TLE2: variants seen among roughly 807,000 people sequenced by gnomAD.
TLE2 encodes the protein transducin-like enhancer protein 2.
TLE2 carries 74 observed loss-of-function variants against 97.2 expected under a neutral mutation model. That is an observed-to-expected ratio of 0.76 (90% CI 0.63 to 0.92). TLE2 has a LOEUF of 0.92. Ranked by LOEUF, TLE2 falls within the 40% of genes least tolerant of loss-of-function variation. TLE2 has a pLI of 0.00. For missense variants in TLE2, 1,038 were observed against 1,008.7 expected (o/e 1.03, Z -0.39); for synonymous variants, 499 against 432.1 (o/e 1.15, Z -1.92).
At position 3,017,732 on chromosome 19, in the gene TLE2, G is replaced by A. The variant is rs564870053; in HGVS notation, c.570+108C>T. 6.0e-5 allele frequency: 64 copies of A among 1,073,886 alleles called. No homozygotes were observed. The Middle Eastern group carries it at 7.2e-4, about 12-fold the overall frequency. 66.5% of individuals were successfully genotyped at this position (1,073,886 alleles called of 1,614,324 possible). A position where few individuals can be genotyped will look rare whatever the true frequency, so the allele number is the denominator to read the frequency against. ...CTACCAAAGTGCTGGGATCAAAGGC[G>A]TGAGCCACCATGATCGACCTAGGTC... On this transcript the variant is annotated intron_variant, in intron 8 of 19. Coordinates refer to ENST00000262953, the MANE Select transcript of TLE2 (RefSeq NM_003260.5).
At chr19:3,009,221 G>T (rs1048494462) in intron 13 of TLE2, among the ~76,000 whole-genome samples, 1 of 152,144 alleles carries the variant, frequency 6.6e-6, no homozygotes, top group Non-Finnish European at 1.5e-5. Flanking sequence ...CTAGGCCAGG[G>T]TTCTGAAAAC....
At position 3,019,280 on chromosome 19, in the gene TLE2, C is replaced by T; in HGVS notation, c.550+3G>A. The T allele has an allele frequency of 6.4e-7, 1 of 1,572,866 alleles. No individual in the cohort carries two copies. The highest frequency in any genetic ancestry group is 2.3e-5 in the East Asian group (1 of 42,820). The stretch of plus-strand genomic sequence containing the variant: ...CCAATGCCACCCCGTGCTGCCCACT[C>T]ACCTCTGGACCCCTCGGCCTCCACG... On this transcript the variant is annotated splice_donor_region_variant and intron_variant, in intron 7 of 19. Coordinates refer to ENST00000262953, the MANE Select transcript of TLE2 (RefSeq NM_003260.5). This position sits in a 1 kb window ranked among gnomAD's most constrained non-coding sequence, Gnocchi z 5.1.
chr19:3,028,654 C>G, intron 2 of TLE2, 52 bp downstream of exon 2: 1 of 1,602,548 alleles, frequency 6.2e-7, no homozygotes, highest in East Asian at 2.2e-5. Context: ...AGGCCTCGCC[C>G]CGCCCCGGCG....
intron 15 of TLE2, 87 bp downstream of exon 15, chr19:3,006,333 A>T: frequency 2.0e-6 from 3 of 1,522,626 alleles, no homozygotes; most frequent in Non-Finnish European, 2.6e-6. Flanking sequence ...AGCCCCACCC[A>T]CGGCCAGCCT....
At position 3,039,738 on chromosome 19, in the gene TLE2, C is replaced by T. The variant is rs2090086671; in HGVS notation, c.63+5988G>A. 2.0e-5 allele frequency among the ~76,000 whole-genome samples: 3 copies of T among 152,186 alleles called. No homozygotes were observed. In the South Asian group the frequency reaches 6.2e-4, roughly 32 times the overall value. On this transcript the variant is annotated intron_variant, in intron 1 of 18. Coordinates refer to the TLE2 transcript ENST00000426948. Reference sequence around the variant, plus strand: ...AGGGATAGAGCCTCACCAAGGTCACCCAGCATGACGGACGCGATGCCAGGT... The same window carrying T: ...AGGGATAGAGCCTCACCAAGGTCACTCAGCATGACGGACGCGATGCCAGGT...
intron 11 of TLE2, 99 bp downstream of exon 11, chr19:3,013,570 C>A (rs2089639816): frequency 2.6e-6 from 3 of 1,170,714 alleles, no homozygotes; most frequent in Non-Finnish European, 3.3e-6. Context: ...GCCCGGCTGG[C>A]TGATTTCTCA....
intron 1 of TLE2, among the ~76,000 whole-genome samples, chr19:3,043,512 C>T (rs961834375): frequency 6.6e-6 from 1 of 151,842 alleles, no homozygotes; most frequent in Non-Finnish European, 1.5e-5. Flanking sequence ...AAAACATCTA[C>T]CTGGGACCTG....
At chr19:3,012,324 TC>T (rs750198671) in intron 11 of TLE2, among the ~76,000 whole-genome samples, 2 of 149,170 alleles carry the variant, frequency 1.3e-5, no homozygotes, top group Non-Finnish European at 3.0e-5. Flanking sequence ...CGAGTGATCC[TC>T]CCGACTGAGC....
rs142962943 is a variant in TLE2, at chr19:3,034,316, T to C, written c.64-5513A>G. Among the ~76,000 whole-genome samples, 19 of 150,130 alleles carry C rather than the reference T, an allele frequency of 1.3e-4. No homozygotes were observed. The East Asian group carries it at 2.9e-3, about 23-fold the overall frequency. On this transcript the variant is annotated intron_variant, in intron 1 of 18. Transcript: ENST00000426948. Reference sequence around the variant, plus strand: ...AGCCTTTGTTTTTGGTGATCTTCAATTGGAGCCTGGCCCTCCTTCCCTCAA... The same window carrying C: ...AGCCTTTGTTTTTGGTGATCTTCAACTGGAGCCTGGCCCTCCTTCCCTCAA...
intron 4 of TLE2, among the ~76,000 whole-genome samples, chr19:3,025,837 C>T (rs1002554908): frequency 8.5e-5 from 13 of 152,050 alleles, no homozygotes; most frequent in Admixed American, 5.2e-4. Context: ...ATTGCGTGGA[C>T]CCATGGGACC....
At chr19:3,036,248 T>A (rs532994408) in intron 1 of TLE2, among the ~76,000 whole-genome samples, 3 of 151,512 alleles carry the variant, frequency 2.0e-5, no homozygotes, top group Middle Eastern at 3.4e-3. Flanking sequence ...AGAGCACGGG[T>A]TTTCAGAAAA....
rs1354070528 is a variant in TLE2 at position 3,039,107 on chromosome 19, C to T, written c.63+6619G>A. Among the ~76,000 whole-genome samples the T allele has an allele frequency of 3.4e-5, 5 of 146,746 alleles. No homozygotes were observed. The East Asian group carries it at 1.0e-3, about 29-fold the overall frequency. ...GTGTGGTGGCGGGCACCTGTAGCTG[C>T]TTGGGAGGCTGAGACAGAATTGCTT... On this transcript the variant is annotated intron_variant, in intron 1 of 18. Coordinates refer to the TLE2 transcript ENST00000426948.
Position 3,006,302 on chromosome 19 carries a change from T to C in TLE2, c.1500+118A>G, listed in dbSNP as rs371603133. ...GACTACGAGCTCCGCCCCTCACCTA[T>C]AAGCCCCGCCCTTCACCTGTAGCCC... On this transcript the variant is annotated intron_variant, in intron 15 of 19. Transcript: ENST00000262953. The C allele has an allele frequency of 4.8e-5, 70 of 1,452,650 alleles. 1 individual carries two copies. The African/African-American group carries it at 6.8e-4, about 14-fold the overall frequency. The allele number at this position is 1,452,650 out of a possible 1,614,324, so 90.0% of individuals were successfully genotyped here. A position where few individuals can be genotyped will look rare whatever the true frequency, so the allele number is the denominator to read the frequency against.
intron 11 of TLE2, 73 bp from the exon 12 acceptor site, chr19:3,011,233 T>A: frequency 6.8e-7 from 1 of 1,469,362 alleles, no homozygotes; most frequent in Non-Finnish European, 9.0e-7. Flanking sequence ...GATCAGAAAC[T>A]GGGGTTGGGG....
At chr19:3,044,547 G>A (rs2090128248) in intron 1 of TLE2, among the ~76,000 whole-genome samples, 1 of 152,204 alleles carries the variant, frequency 6.6e-6, no homozygotes, top group Admixed American at 6.5e-5. Context: ...AGCTTCCTGA[G>A]TTGCTGGGAT....
chr19:3,027,666 C>T (rs1644099932), intron 4 of TLE2, among the ~76,000 whole-genome samples, 163 bp downstream of exon 4: 1 of 152,194 alleles, frequency 6.6e-6, no homozygotes, highest in Admixed American at 6.5e-5. Flanking sequence ...TGAAATCTGT[C>T]TTCCTGGTCC....
At chr19:3,040,330 C>A (rs755727850) in intron 1 of TLE2, among the ~76,000 whole-genome samples, 1 of 152,100 alleles carries the variant, frequency 6.6e-6, no homozygotes, top group Non-Finnish European at 1.5e-5. Context: ...CAATCTGAAT[C>A]TTCTTTTTAA....
upstream of TLE2, among the ~76,000 whole-genome samples, chr19:3,030,451 G>A (rs1395606956): frequency 6.6e-6 from 1 of 152,154 alleles, no homozygotes; most frequent in African/African-American, 2.4e-5. Flanking sequence ...TGTACTAAAT[G>A]CATACTGTGG....
upstream of TLE2, among the ~76,000 whole-genome samples, chr19:3,032,595 T>C (rs964507290): frequency 2.0e-5 from 3 of 152,044 alleles, no homozygotes; most frequent in African/African-American, 7.2e-5. The surrounding 1 kb of genome is among the most constrained non-coding windows in gnomAD (Gnocchi z 4.1). Context: ...TCCTTGTTTG[T>C]CTCCCTCACC....
Sources: allele counts gnomAD v4.1 joint callset (sites outside exome capture counted in the v4.1 genomes callset), GRCh38; gene constraint gnomAD v4.1.1; non-coding constraint Gnocchi (gnomAD v3.1); transcripts MANE v1.5; gene names NCBI Gene and HGNC (gene_info 2026-07-23, HGNC 2026-07-21).